Variants in PTK2 observed in about 807,000 individuals in gnomAD.
The protein encoded by PTK2 is focal adhesion kinase 1.
A neutral mutation model predicts 150.1 loss-of-function variants in PTK2; 45 were observed. The ratio of observed to expected loss-of-function variants is 0.30; its 90% CI spans 0.24 to 0.38. The LOEUF is 0.38. Ranked by LOEUF, PTK2 falls within the 10% of genes least tolerant of loss-of-function variation. The pLI, the probability that PTK2 is intolerant of heterozygous loss-of-function variation, is 1.00. For missense variants in PTK2, 919 were observed against 1,307.3 expected (o/e 0.70, Z 4.58); for synonymous variants, 432 against 449.2 (o/e 0.96, Z 0.48).
chr8:140,700,778 A>T, intron 26 of PTK2, 113 bp downstream of exon 29: 1 of 1,378,464 alleles, frequency 7.3e-7, no homozygotes, highest in South Asian at 1.4e-5. Flanking sequence ...TTTAAGAAGT[A>T]GTTGTAAAAC....
At chr8:140,911,761 A>G (rs1235604357) in intron 2 of PTK2, among the ~76,000 whole-genome samples, 2 of 152,138 alleles carry the variant, frequency 1.3e-5, no homozygotes, top group African/African-American at 2.4e-5. Flanking sequence ...AACTTTACAT[A>G]ATTAATCATA....
intron 22 of PTK2, among the ~76,000 whole-genome samples, chr8:140,729,124 A>AC (rs1458774658): frequency 6.6e-6 from 1 of 152,196 alleles, no homozygotes; most frequent in Non-Finnish European, 1.5e-5. Flanking sequence ...CTAAGCTATA[A>AC]CCCTGACCAA....
At chr8:140,877,288 C>T (rs924560128) in intron 4 of PTK2, among the ~76,000 whole-genome samples, 2 of 152,106 alleles carry the variant, frequency 1.3e-5, no homozygotes, top group African/African-American at 4.8e-5. Context: ...CCTGCCTCAG[C>T]CTCTCAAAGT....
At position 140,861,552 on chromosome 8, in the gene PTK2, G is replaced by T. The variant is rs1374844288; in HGVS notation, c.450+2760C>A. 2.6e-5 allele frequency among the ~76,000 whole-genome samples: 4 copies of T among 152,230 alleles called. No homozygotes were observed. The East Asian group carries it at 5.8e-4, about 22-fold the overall frequency. ...ATCCCATAATGTGCAGCTCACACTTGTATGGTGATATGCAAATGGCAAATG... is the reference window on the plus strand; with the variant it reads ...ATCCCATAATGTGCAGCTCACACTTTTATGGTGATATGCAAATGGCAAATG... On this transcript the variant is annotated intron_variant, in intron 5 of 31. Transcript: ENST00000522684.
chr8:140,790,592 C>T (rs2100087854), intron 13 of PTK2, among the ~76,000 whole-genome samples: 1 of 152,158 alleles, frequency 6.6e-6, no homozygotes. Flanking sequence ...GCATTTTGAA[C>T]TTTGAAGTTC....
intron 22 of PTK2, chr8:140,718,596 G>A (rs2100041072): frequency 6.6e-6 from 1 of 152,150 alleles, no homozygotes; most frequent in African/African-American, 2.4e-5. Context: ...TAGGCTCCTG[G>A]TAGATAGTGT....
At chr8:140,857,445 G>A (rs2154605265) in intron 5 of PTK2, among the ~76,000 whole-genome samples, 3 of 152,260 alleles carry the variant, frequency 2.0e-5, no homozygotes, top group African/African-American at 7.2e-5. Flanking sequence ...AGGCAATTAA[G>A]CATCATAACA....
chr8:140,961,485 C>A (rs906854292), intron 1 of PTK2, among the ~76,000 whole-genome samples: 3 of 151,794 alleles, frequency 2.0e-5, no homozygotes, highest in African/African-American at 7.3e-5. Context: ...CACAGTGAAA[C>A]CCTGTCTCTA....
intron 2 of PTK2, among the ~76,000 whole-genome samples, chr8:140,892,177 C>G (rs1332831894): frequency 2.0e-5 from 3 of 152,116 alleles, no homozygotes; most frequent in Non-Finnish European, 2.9e-5. Context: ...TGCTGCACTT[C>G]AGCCTGGACC....
chr8:140,859,323 G>A (rs35668340), intron 5 of PTK2, among the ~76,000 whole-genome samples: 2,598 of 152,274 alleles, frequency 0.017, 42 homozygotes, highest in Non-Finnish European at 0.028. Context: ...ACATGGGACA[G>A]GGAAGTATCA....
At chr8:140,718,353 C>CA (rs1204859453) in intron 22 of PTK2, 2 of 152,308 alleles carry the variant, frequency 1.3e-5, no homozygotes, top group Non-Finnish European at 2.9e-5. Flanking sequence ...TGAAGTCCCA[C>CA]ATAACGCTGC....
At chr8:140,693,989 A>G (rs1266830728) in intron 26 of PTK2, among the ~76,000 whole-genome samples, 2 of 151,882 alleles carry the variant, frequency 1.3e-5, no homozygotes, top group Non-Finnish European at 2.9e-5. Flanking sequence ...CTAGGAATGA[A>G]CCAGTTTATG....
chr8:140,823,482 C>CATAT (rs5895649), intron 8 of PTK2, among the ~76,000 whole-genome samples: 62,725 of 150,998 alleles, frequency 0.42, 13,529 homozygotes, highest in East Asian at 0.56. Flanking sequence ...GGTTAAAATG[C>CATAT]ATATATATAT....
At chr8:140,828,430 G>A (rs1303299284) in intron 8 of PTK2, among the ~76,000 whole-genome samples, 1 of 152,114 alleles carries the variant, frequency 6.6e-6, no homozygotes, top group Non-Finnish European at 1.5e-5. Context: ...TTTTGAATAT[G>A]GGGATCCTTT....
intron 24 of PTK2, among the ~76,000 whole-genome samples, chr8:140,704,977 G>A (rs1045758866): frequency 6.6e-6 from 1 of 152,166 alleles, no homozygotes; most frequent in South Asian, 2.1e-4. Context: ...ATTCACTCTT[G>A]ACTCTGCCAG....
intron 2 of PTK2, among the ~76,000 whole-genome samples, chr8:140,895,872 A>G (rs999368272): frequency 1.3e-5 from 2 of 152,186 alleles, no homozygotes; most frequent in Non-Finnish European, 2.9e-5. Context: ...TAAAAATTTA[A>G]TTAAAAAAGA....
At chr8:140,733,679 A>G (rs2154382768) in intron 22 of PTK2, among the ~76,000 whole-genome samples, 1 of 152,308 alleles carries the variant, frequency 6.6e-6, no homozygotes, top group Non-Finnish European at 1.5e-5. Context: ...GTTATATGAG[A>G]ATTAATTAAG....
intron 14 of PTK2, 147 bp from the exon 15 acceptor site, chr8:140,770,946 TCTTA>T: frequency 4.3e-6 from 1 of 235,002 alleles, no homozygotes; most frequent in Non-Finnish European, 8.4e-6. Context: ...ATGCCTTATT[TCTTA>T]CTATGATTGA....
chr8:140,701,734 A>G (rs2100030580), intron 25 of PTK2, among the ~76,000 whole-genome samples: 1 of 152,208 alleles, frequency 6.6e-6, no homozygotes, highest in Non-Finnish European at 1.5e-5. Context: ...TAAATGGACT[A>G]AAGATTTTAG....
Sources: gnomAD v4.1 joint callset for allele counts (sites outside exome capture counted in the v4.1 genomes callset) on GRCh38, gnomAD v4.1.1 for gene constraint, MANE v1.5 for transcripts, NCBI Gene and HGNC (gene_info 2026-07-23, HGNC 2026-07-21) for gene names.